UXS1: variants seen among roughly 807,000 people sequenced by gnomAD.
UXS1 encodes UDP-glucuronate decarboxylase 1.
Under a neutral mutation model 62.6 loss-of-function variants are expected in UXS1, and 33 were observed. The ratio of observed to expected loss-of-function variants is 0.53; its 90% CI spans 0.40 to 0.70. The LOEUF (loss-of-function observed/expected upper bound fraction) is 0.70. Among genes scored for constraint, UXS1 ranks in the 30% least tolerant of loss-of-function variants. UXS1 has a pLI of 0.00. For missense variants in UXS1, 434 were observed against 556.3 expected (o/e 0.78, Z 2.21); for synonymous variants, 213 against 206.8 (o/e 1.03, Z -0.26).
At chr2:106,156,810 T>G (rs1448323373) in intron 5 of UXS1, among the ~76,000 whole-genome samples, 1 of 152,170 alleles carries the variant, frequency 6.6e-6, no homozygotes, top group African/African-American at 2.4e-5. Flanking sequence ...TAACTACATT[T>G]TCGATTCGTG....
chr2:106,093,989 T>G lies in UXS1; in HGVS notation c.*37A>C, dbSNP rs754061917. On this transcript the variant is annotated 3_prime_UTR_variant, in exon 15 of 15. Transcript: ENST00000283148. ...AAAGCCAAAAATACATCCCATCAAG[T>G]GTACAATGGTAGTCTTGTGTCCTAA... 3.2e-6 allele frequency: 5 copies of G among 1,542,622 alleles called. No homozygotes were observed. In the East Asian group the frequency reaches 1.2e-4, roughly 38 times the overall value.
Position 106,109,162 on chromosome 2 carries a change from T to C in UXS1, c.879+3484A>G, listed in dbSNP as rs143162730. ...CTGCTTGCCTGTGCTGTATTTGGAG[T>C]TGATCCCAGTCTTTCCCCCCCGAAA... On this transcript the variant is annotated intron_variant, in intron 10 of 14. Coordinates refer to ENST00000283148, the MANE Select transcript of UXS1 (RefSeq NM_001253875.2). Among the ~76,000 whole-genome samples, 1,458 of 152,076 alleles carry C rather than the reference T, an allele frequency of 9.6e-3. 10 individuals carry two copies. The highest frequency in any genetic ancestry group is 0.016 in the Admixed American group (250 of 15,272).
chr2:106,095,170 C>T (rs1676976933), intron 14 of UXS1, among the ~76,000 whole-genome samples: 1 of 152,006 alleles, frequency 6.6e-6, no homozygotes, highest in South Asian at 2.1e-4. Context: ...ACATAAAAAG[C>T]AATAGTTAAT....
At chr2:106,107,870 A>G (rs1678220920) in intron 10 of UXS1, among the ~76,000 whole-genome samples, 1 of 152,176 alleles carries the variant, frequency 6.6e-6, no homozygotes, top group Non-Finnish European at 1.5e-5. Flanking sequence ...TACGGTGACA[A>G]AAGGTGCTCA....
At position 106,130,864 on chromosome 2, in the gene UXS1, T is replaced by A. The variant is rs190747452; in HGVS notation, c.473-1086A>T. 2.0e-3 allele frequency among the ~76,000 whole-genome samples: 299 copies of A among 151,918 alleles called. 1 individual carries two copies. Among genetic ancestry groups the A allele is most frequent in the African/African-American group, 4.9e-3 (204 of 41,344 alleles). On this transcript the variant is annotated intron_variant, in intron 6 of 14. Coordinates refer to ENST00000283148, the MANE Select transcript of UXS1 (RefSeq NM_001253875.2). ...TAGACCTTCATTCATATATATATAT[T>A]TTTTTTAACATTTGAAAGCCAAGTC...
chr2:106,129,125 C>T (rs890608841), intron 7 of UXS1, among the ~76,000 whole-genome samples: 2 of 152,216 alleles, frequency 1.3e-5, no homozygotes, highest in African/African-American at 2.4e-5. Context: ...TAACAATGCT[C>T]TCTCGTCCAT....
At chr2:106,168,329 G>T (rs972307328) in intron 1 of UXS1, among the ~76,000 whole-genome samples, 1 of 152,164 alleles carries the variant, frequency 6.6e-6, no homozygotes, top group Non-Finnish European at 1.5e-5. Context: ...CCATGGCAAC[G>T]TCAGGAAGTT....
chr2:106,121,743 G>A (rs574426970), intron 9 of UXS1, among the ~76,000 whole-genome samples: 1 of 152,302 alleles, frequency 6.6e-6, no homozygotes, highest in African/African-American at 2.4e-5. Flanking sequence ...AAATAAAGCA[G>A]AAAAGTTTAA....
At chr2:106,192,893 T>C (rs1685019620) in intron 1 of UXS1, among the ~76,000 whole-genome samples, 1 of 152,168 alleles carries the variant, frequency 6.6e-6, no homozygotes, top group South Asian at 2.1e-4. Flanking sequence ...TCAACAAATG[T>C]AGGTAGTATT....
chr2:106,176,838 C>A lies in UXS1; in HGVS notation c.95-10755G>T, dbSNP rs370867415. 3.9e-5 allele frequency among the ~76,000 whole-genome samples: 6 copies of A among 152,232 alleles called. No individual in the cohort carries two copies. In the South Asian group the frequency reaches 1.0e-3, roughly 26 times the overall value. ...CCTGTGGTCCTCGCCCTGCTCTGAG[C>A]CCTCCAGGAAGCCAGAACTCCAATT... On this transcript the variant is annotated intron_variant, in intron 1 of 14. Coordinates refer to ENST00000283148, the MANE Select transcript of UXS1 (RefSeq NM_001253875.2).
chr2:106,184,331 T>C (rs567838874), intron 1 of UXS1, among the ~76,000 whole-genome samples: 1 of 152,338 alleles, frequency 6.6e-6, no homozygotes, highest in South Asian at 2.1e-4. Flanking sequence ...CAGTAGACAT[T>C]AATGTGGGTT....
intron 9 of UXS1, among the ~76,000 whole-genome samples, chr2:106,114,583 G>T (rs531467939): frequency 6.6e-6 from 1 of 152,330 alleles, no homozygotes; most frequent in East Asian, 1.9e-4. Flanking sequence ...AGCTCAATGG[G>T]TTAGGCAAAA....
Position 106,172,912 on chromosome 2 carries a change from T to C in UXS1, c.95-6829A>G, listed in dbSNP as rs13393513. Among the ~76,000 whole-genome samples the C allele has an allele frequency of 4.6e-3, 706 of 152,256 alleles. 10 individuals carry two copies. The highest frequency in any genetic ancestry group is 0.017 in the African/African-American group (692 of 41,540). On this transcript the variant is annotated intron_variant, in intron 1 of 14. Coordinates refer to ENST00000283148, the MANE Select transcript of UXS1 (RefSeq NM_001253875.2). Reference sequence around the variant, plus strand: ...CACTTACACTTCTCCCAACTGCCTCTTCACCTTTCCCCCTCCCTCAGTTCA... The same window carrying C: ...CACTTACACTTCTCCCAACTGCCTCCTCACCTTTCCCCCTCCCTCAGTTCA...
intron 14 of UXS1, among the ~76,000 whole-genome samples, chr2:106,096,268 G>A (rs114810816): frequency 1.8e-4 from 27 of 152,168 alleles, no homozygotes; most frequent in African/African-American, 5.5e-4. Flanking sequence ...GTGCGCATGT[G>A]AGTGAATGTG....
chr2:106,098,977 C>G (rs1170641397), intron 12 of UXS1, among the ~76,000 whole-genome samples: 1 of 152,230 alleles, frequency 6.6e-6, no homozygotes, highest in Non-Finnish European at 1.5e-5. Context: ...CCATCTATAC[C>G]TTCAGCCTCT....
At chr2:106,179,000 C>A (rs1451794246) in intron 1 of UXS1, among the ~76,000 whole-genome samples, 1 of 152,148 alleles carries the variant, frequency 6.6e-6, no homozygotes, top group Admixed American at 6.5e-5. Context: ...GTGGGCTGGA[C>A]GGGGCACAGC....
chr2:106,144,614 C>T (rs1043562868), intron 6 of UXS1, among the ~76,000 whole-genome samples: 1 of 152,138 alleles, frequency 6.6e-6, no homozygotes, highest in Non-Finnish European at 1.5e-5. Context: ...ATTTAGTAAC[C>T]AAAGAAATGT....
chr2:106,186,457 T>C (rs35173978), intron 1 of UXS1, among the ~76,000 whole-genome samples: 115,974 of 148,818 alleles, frequency 0.78, 45,562 homozygotes, highest in Admixed American at 0.87. Flanking sequence ...TATATATATA[T>C]ACACACACAC....
chr2:106,106,892 A>G (rs1678120426), intron 10 of UXS1, among the ~76,000 whole-genome samples: 1 of 152,218 alleles, frequency 6.6e-6, no homozygotes, highest in African/African-American at 2.4e-5. Flanking sequence ...CGCTGGAGTG[A>G]CCTGCATTCA....
Sources: gnomAD v4.1 joint callset for allele counts (sites outside exome capture counted in the v4.1 genomes callset) on GRCh38, gnomAD v4.1.1 for gene constraint, MANE v1.5 for transcripts, NCBI Gene and HGNC (gene_info 2026-07-23, HGNC 2026-07-21) for gene names.